Variants in RIMS1 observed in about 807,000 individuals in gnomAD.
The protein encoded by RIMS1 is regulating synaptic membrane exocytosis 1.
Under a neutral mutation model 214.1 loss-of-function variants are expected in RIMS1, and 83 were observed. The observed-to-expected ratio is 0.39, with a 90% CI of 0.32 to 0.47. The LOEUF (loss-of-function observed/expected upper bound fraction) is 0.47. RIMS1 is among the 20% of genes least tolerant of loss of function. RIMS1 has a pLI of 0.99. For synonymous variants in RIMS1, 793 were observed against 786.8 expected (o/e 1.01, Z -0.13); for missense variants, 2,050 against 2,161.8 (o/e 0.95, Z 1.03).
intron 6 of RIMS1, among the ~76,000 whole-genome samples, chr6:72,184,912 G>A (rs1339950896): frequency 6.6e-6 from 1 of 152,166 alleles, no homozygotes; most frequent in African/African-American, 2.4e-5. Context: ...AACCCCCTGA[G>A]TGTTGAAGGG....
chr6:72,378,726 C>G (rs1420781091), intron 29 of RIMS1, among the ~76,000 whole-genome samples: 2 of 152,130 alleles, frequency 1.3e-5, no homozygotes, highest in Non-Finnish European at 2.9e-5. Flanking sequence ...ATAATCCCAG[C>G]TATTCAGGAG....
chr6:72,255,071 C>A (rs1208828367), intron 16 of RIMS1, among the ~76,000 whole-genome samples: 1 of 152,044 alleles, frequency 6.6e-6, no homozygotes, highest in Non-Finnish European at 1.5e-5. Flanking sequence ...TTCAGATATA[C>A]TCTTCATTGA....
At chr6:71,991,818 C>T (rs1378164753) in intron 2 of RIMS1, among the ~76,000 whole-genome samples, 1 of 152,226 alleles carries the variant, frequency 6.6e-6, no homozygotes, top group African/African-American at 2.4e-5. Flanking sequence ...AATCCCAACA[C>T]TTTGGGAGGC....
intron 29 of RIMS1, among the ~76,000 whole-genome samples, chr6:72,346,459 T>A (rs973011329): frequency 1.3e-5 from 2 of 151,828 alleles, no homozygotes; most frequent in African/African-American, 4.8e-5. Context: ...CTAGCCTCAG[T>A]AAATTGCACT....
chr6:72,251,797 A>T (rs1164834138), intron 15 of RIMS1, among the ~76,000 whole-genome samples: 1 of 151,528 alleles, frequency 6.6e-6, no homozygotes, highest in Non-Finnish European at 1.5e-5. Flanking sequence ...TGCAACCTGC[A>T]CCTCCCGGGT....
chr6:72,261,763 A>T (rs2078124695), intron 19 of RIMS1: 1 of 985,230 alleles, frequency 1.0e-6, no homozygotes, highest in South Asian at 4.7e-5. Flanking sequence ...TTGGGCTAAT[A>T]AAAATTGTTT....
chr6:72,355,751 T>C (rs552803311), intron 29 of RIMS1, among the ~76,000 whole-genome samples: 8 of 152,276 alleles, frequency 5.3e-5, no homozygotes, highest in East Asian at 3.9e-4. Flanking sequence ...AAATGAATCG[T>C]TGAGCTCCCT....
chr6:72,025,500 C>T (rs564570943), intron 2 of RIMS1, among the ~76,000 whole-genome samples: 9 of 152,270 alleles, frequency 5.9e-5, no homozygotes, highest in Admixed American at 3.3e-4. Flanking sequence ...AACTATAATG[C>T]GATATAAGTA....
chr6:72,182,439 G>C lies in RIMS1; in HGVS notation c.968G>C (p.Arg323Pro). ...RRESRRLEKGRSQDYPDTPEK... is the reference protein window; with the variant it reads ...RRESRRLEKGPSQDYPDTPEK... ...GAAAGCCGAAGGCTTGAGAAAGGGCGATCACAGGATTACCCAGACACGCCG... is the reference window on the plus strand; with the variant it reads ...GAAAGCCGAAGGCTTGAGAAAGGGCCATCACAGGATTACCCAGACACGCCG... The change falls in exon 6 of 34, where the codon CGA becomes CCA. Residue 323 changes from arginine to proline, a missense_variant. Physicochemically the swap from Arg to Pro is moderately radical, Grantham distance 103. Around this residue, in one of 6 missense-constraint regions of RIMS1, gnomAD observed 882 missense variants for 828.9 expected, o/e 1.06. Transcript: ENST00000521978. The C allele has an allele frequency of 6.2e-7, 1 of 1,613,878 alleles. No individual in the cohort carries two copies. Among genetic ancestry groups the C allele is most frequent in the South Asian group, 1.1e-5 (1 of 91,066 alleles).
chr6:72,076,216 AC>A (rs1831819151), intron 2 of RIMS1, among the ~76,000 whole-genome samples: 1 of 152,204 alleles, frequency 6.6e-6, no homozygotes, highest in Non-Finnish European at 1.5e-5. Context: ...TAAGGAAAAA[AC>A]AATATTATTA....
At chr6:72,394,393 A>G (rs1057191315) in intron 31 of RIMS1, among the ~76,000 whole-genome samples, 2 of 152,194 alleles carry the variant, frequency 1.3e-5, no homozygotes, top group Non-Finnish European at 2.9e-5. Flanking sequence ...ATAAGGTTAC[A>G]TAGTCAAAAT....
At chr6:71,980,360 T>C (rs960178231) in intron 2 of RIMS1, among the ~76,000 whole-genome samples, 2 of 152,268 alleles carry the variant, frequency 1.3e-5, no homozygotes, top group East Asian at 3.9e-4. Context: ...AATAAATGAA[T>C]GCACTCATGT....
At chr6:72,010,561 A>G (rs1048465196) in intron 2 of RIMS1, among the ~76,000 whole-genome samples, 3 of 152,122 alleles carry the variant, frequency 2.0e-5, no homozygotes, top group Admixed American at 6.6e-5. Flanking sequence ...CAGATGTTAT[A>G]ATTGTATATC....
intron 29 of RIMS1, among the ~76,000 whole-genome samples, chr6:72,371,767 C>G (rs2098229517): frequency 6.6e-6 from 1 of 151,740 alleles, no homozygotes; most frequent in Non-Finnish European, 1.5e-5. Flanking sequence ...CATAGTTCAC[C>G]TGGTGCCTTT....
At chr6:72,247,899 G>A (rs527897986) in intron 11 of RIMS1, 116 bp from the exon 12 acceptor site, 3 of 680,114 alleles carry the variant, frequency 4.4e-6, no homozygotes, top group East Asian at 2.8e-5. Flanking sequence ...TTAAAAGTAG[G>A]TTCTGTTATC....
intron 1 of RIMS1, among the ~76,000 whole-genome samples, chr6:71,947,767 A>G (rs1380370570): frequency 6.6e-6 from 1 of 152,142 alleles, no homozygotes; most frequent in African/African-American, 2.4e-5. Flanking sequence ...GTGTATACAT[A>G]TATGAAATAT....
At chr6:72,271,286 A>AAAAAATATATATATATAT (rs1417580438) in intron 22 of RIMS1, among the ~76,000 whole-genome samples, 6 of 44,380 alleles carry the variant, frequency 1.4e-4, no homozygotes, top group Admixed American at 3.3e-4. Context: ...AAAAAAAAAA[A>AAAAAATATATATATATAT]ATATATATAT....
chr6:72,204,527 T>A (rs2052579653), intron 6 of RIMS1, among the ~76,000 whole-genome samples: 1 of 152,230 alleles, frequency 6.6e-6, no homozygotes, highest in South Asian at 2.1e-4. Context: ...GTGTTCTGCC[T>A]TTTTAAAATG....
At chr6:72,109,349 C>T (rs1287027905) in intron 4 of RIMS1, among the ~76,000 whole-genome samples, 2 of 150,600 alleles carry the variant, frequency 1.3e-5, no homozygotes, top group African/African-American at 4.9e-5. Flanking sequence ...TCTCCACCTC[C>T]TCTCCAGCAC....
Sources: allele counts gnomAD v4.1 joint callset (sites outside exome capture counted in the v4.1 genomes callset), GRCh38; gene constraint gnomAD v4.1.1; regional missense constraint gnomAD v4.1.1; transcripts MANE v1.5; gene names NCBI Gene and HGNC (gene_info 2026-07-23, HGNC 2026-07-21).